The following FBLN5 variants were observed in gnomAD, a reference collection of about 807,000 sequenced individuals.
FBLN5 encodes the protein fibulin-5.
In FBLN5, 24 loss-of-function variants were observed where a neutral mutation model predicts 61.6. The observed-to-expected ratio is 0.39, with a 90% CI of 0.28 to 0.55. FBLN5 has a LOEUF of 0.55. Among genes scored for constraint, FBLN5 ranks in the 20% least tolerant of loss-of-function variants. FBLN5 has a pLI of 0.65. For missense variants in FBLN5, 470 were observed against 594.1 expected (o/e 0.79, Z 2.17); for synonymous variants, 213 against 219.8 (o/e 0.97, Z 0.27).
intron 9 of FBLN5, 160 bp from the exon 10 acceptor site, chr14:91,877,842 T>C (rs1289215105): frequency 5.8e-6 from 4 of 692,638 alleles, no homozygotes; most frequent in African/African-American, 1.8e-5. Context: ...GTCTAAAATC[T>C]CTCCAGCATG....
Position 91,873,139 on chromosome 14 carries a change from C to T in FBLN5, c.1186-2754G>A, listed in dbSNP as rs536850118. 3.3e-5 allele frequency among the ~76,000 whole-genome samples: 5 copies of T among 152,350 alleles called. No homozygotes were observed. In the South Asian group the frequency reaches 6.2e-4, roughly 19 times the overall value. On this transcript the variant is annotated intron_variant, in intron 10 of 10. Transcript: ENST00000342058. ...ACAAGCACCTGGAAGAGCTCAAGTA[C>T]CTGCCACAAGAGCTGAGGACAGCCA...
chr14:91,901,379 G>T lies in FBLN5; in HGVS notation c.380-6307C>A, dbSNP rs746933386. Among the ~76,000 whole-genome samples the T allele has an allele frequency of 3.9e-5, 6 of 152,208 alleles. No homozygotes were observed. In the East Asian group the frequency reaches 9.6e-4, roughly 24 times the overall value. ...CCCTTGGAAGACACACCTTTCCAAG[G>T]CCTCCACTCTTCCTTTTTTGGATAT... is the stretch of plus-strand genomic sequence containing the variant. On this transcript the variant is annotated intron_variant, in intron 4 of 10. Coordinates refer to ENST00000342058, the MANE Select transcript of FBLN5 (RefSeq NM_006329.4).
chr14:91,891,520 A>G (rs998334610), intron 5 of FBLN5, among the ~76,000 whole-genome samples, 183 bp from the exon 6 acceptor site: 1 of 152,082 alleles, frequency 6.6e-6, no homozygotes, highest in Non-Finnish European at 1.5e-5. Flanking sequence ...ACAAGGCTCA[A>G]TCTCCCCACA....
chr14:91,899,092 G>T (rs1029901232), intron 4 of FBLN5, among the ~76,000 whole-genome samples: 1 of 152,026 alleles, frequency 6.6e-6, no homozygotes, highest in Non-Finnish European at 1.5e-5. Flanking sequence ...ATAAGCCACC[G>T]TGCCCGGCCC....
intron 4 of FBLN5, among the ~76,000 whole-genome samples, chr14:91,931,014 C>T (rs773737338): frequency 6.6e-6 from 1 of 152,208 alleles, no homozygotes; most frequent in Non-Finnish European, 1.5e-5. Context: ...TCCCAGTTAA[C>T]GTTTACTATG....
chr14:91,872,485 C>T (rs1362243360), intron 10 of FBLN5, among the ~76,000 whole-genome samples: 2 of 152,134 alleles, frequency 1.3e-5, no homozygotes, highest in East Asian at 1.9e-4. Flanking sequence ...AATAAAGGAA[C>T]CTAGCTGGTT....
chr14:91,939,837 C>T, intron 3 of FBLN5: 1 of 421,796 alleles, frequency 2.4e-6, no homozygotes. Flanking sequence ...ATTAAGCTTA[C>T]TAAGCAGCTG....
chr14:91,890,243 T>C (rs1889927976), intron 6 of FBLN5, among the ~76,000 whole-genome samples: 1 of 152,226 alleles, frequency 6.6e-6, no homozygotes, highest in African/African-American at 2.4e-5. Context: ...TGCCTTCCTA[T>C]TTACCGATGA....
At chr14:91,914,273 C>A (rs977764041) in intron 4 of FBLN5, among the ~76,000 whole-genome samples, 1 of 151,872 alleles carries the variant, frequency 6.6e-6, no homozygotes, top group Non-Finnish European at 1.5e-5. Flanking sequence ...GTCAGGAGAT[C>A]GAGACCATCC....
At chr14:91,912,407 G>T (rs1008538160) in intron 4 of FBLN5, among the ~76,000 whole-genome samples, 2 of 152,218 alleles carry the variant, frequency 1.3e-5, no homozygotes, top group African/African-American at 4.8e-5. Flanking sequence ...ATTTATGGGA[G>T]ACCGAGGTGG....
intron 4 of FBLN5, among the ~76,000 whole-genome samples, chr14:91,931,611 T>C (rs894335062): frequency 6.6e-6 from 1 of 152,220 alleles, no homozygotes; most frequent in African/African-American, 2.4e-5. Flanking sequence ...ATTTCTGCAG[T>C]CCCCGGAGTA....
chr14:91,881,355 T>C lies in FBLN5; in HGVS notation c.926A>G (p.Gln309Arg). Residue 309 changes from glutamine (Q) to arginine (R), a missense_variant, in exon 9 of 11, where the codon CAA becomes CGA. Transcript: ENST00000342058. ...GGGGTCAATGCATTTGAAGCCCCCTTGTAAATTGTAGCACGTCTGCTGCAG... is the reference window on the plus strand; with the variant it reads ...GGGGTCAATGCATTTGAAGCCCCCTCGTAAATTGTAGCACGTCTGCTGCAG... ...CNLQQTCYNL[Q>R]GGFKCIDPIR... 6.2e-7 allele frequency: 1 copy of C among 1,614,160 alleles called. No individual in the cohort carries two copies. Among genetic ancestry groups the C allele is most frequent in the Non-Finnish European group, 8.5e-7 (1 of 1,180,012 alleles).
intron 4 of FBLN5, among the ~76,000 whole-genome samples, chr14:91,935,820 T>C (rs2056005118): frequency 6.6e-6 from 1 of 152,242 alleles, no homozygotes; most frequent in African/African-American, 2.4e-5. Flanking sequence ...TCATTCCCTT[T>C]GCACAGTCAT....
rs1363747769 is a variant in FBLN5 at position 91,947,134 on chromosome 14, AT to A, written c.17+78del. 3 of 1,602,424 alleles carry A rather than the reference AT, an allele frequency of 1.9e-6. No individual in the cohort carries two copies. The highest frequency in any genetic ancestry group is 2.6e-6 in the Non-Finnish European group (3 of 1,170,250). On this transcript the variant is annotated intron_variant, in intron 1 of 10. Transcript: ENST00000342058. The surrounding 1 kb of genome is among the most constrained non-coding windows in gnomAD (Gnocchi z 4.3). The stretch of plus-strand genomic sequence containing the variant: ...TCCTGACACCGCCTGAATCGCAGCC[AT>A]AACCATTTTCCACCCATCGGATTTT...
intron 4 of FBLN5, among the ~76,000 whole-genome samples, chr14:91,931,242 G>A (rs1156636447): frequency 1.3e-5 from 2 of 152,096 alleles, no homozygotes; most frequent in Admixed American, 1.3e-4. Flanking sequence ...ACCATCTCAG[G>A]AACTCATCAG....
At chr14:91,900,274 A>C (rs1405892574) in intron 4 of FBLN5, among the ~76,000 whole-genome samples, 1 of 152,254 alleles carries the variant, frequency 6.6e-6, no homozygotes, top group African/African-American at 2.4e-5. Context: ...CAGACTTAAT[A>C]TATCACATTA....
At chr14:91,923,866 C>T (rs73339699) in intron 4 of FBLN5, among the ~76,000 whole-genome samples, 2,232 of 152,280 alleles carry the variant, frequency 0.015, 59 homozygotes, top group African/African-American at 0.05. Context: ...ATCAAATGGA[C>T]GCACAGATAT....
chr14:91,937,389 C>T (rs965566796), intron 3 of FBLN5, among the ~76,000 whole-genome samples, 188 bp from the exon 4 acceptor site: 7 of 152,156 alleles, frequency 4.6e-5, no homozygotes, highest in Non-Finnish European at 7.4e-5. Flanking sequence ...GTCACTCAAA[C>T]ATCAGCCTTT....
chr14:91,884,059 C>T lies in FBLN5; in HGVS notation c.740-983G>A, dbSNP rs1210351959. 5.3e-5 allele frequency among the ~76,000 whole-genome samples: 8 copies of T among 152,208 alleles called. No homozygotes were observed. In the East Asian group the frequency reaches 5.8e-4, roughly 11 times the overall value. ...CTAGTTTCCCCATGTGACATGTCCT[C>T]GGATTACTCTCTCACTCACAGACCA... On this transcript the variant is annotated intron_variant, in intron 7 of 10. Coordinates refer to ENST00000342058, the MANE Select transcript of FBLN5 (RefSeq NM_006329.4).
Sources: allele counts gnomAD v4.1 joint callset (sites outside exome capture counted in the v4.1 genomes callset), GRCh38; gene constraint gnomAD v4.1.1; non-coding constraint Gnocchi (gnomAD v3.1); transcripts MANE v1.5; gene names NCBI Gene and HGNC (gene_info 2026-07-23, HGNC 2026-07-21).